The following WIF1 variants were observed in gnomAD, a reference collection of about 807,000 sequenced individuals.
The protein encoded by WIF1 is Wnt inhibitory factor 1.
WIF1 carries 35 observed loss-of-function variants against 53.5 expected under a neutral mutation model. That is an observed-to-expected ratio of 0.65 (90% CI 0.50 to 0.87). The LOEUF is 0.87. Ranked by LOEUF, WIF1 falls within the 40% of genes least tolerant of loss-of-function variation. The pLI is 0.00. For missense variants in WIF1, 467 were observed against 476.8 expected (o/e 0.98, Z 0.19); for synonymous variants, 171 against 170.4 (o/e 1.00, Z -0.03).
At chr12:65,092,508 G>GTATATATATATA (rs144164448) in intron 2 of WIF1, among the ~76,000 whole-genome samples, 2 of 146,700 alleles carry the variant, frequency 1.4e-5, no homozygotes, top group African/African-American at 5.0e-5. Context: ...ATATATGTGT[G>GTATATATATATA]TATATATATA....
At chr12:65,062,272 TC>T (rs1308859635) in intron 7 of WIF1, among the ~76,000 whole-genome samples, 21 of 152,120 alleles carry the variant, frequency 1.4e-4, no homozygotes, top group Admixed American at 1.3e-4. Flanking sequence ...TTCTTCTGAG[TC>T]CTCTGAGGTG....
chr12:65,085,220 C>A (rs768452834), intron 2 of WIF1, among the ~76,000 whole-genome samples: 78 of 152,082 alleles, frequency 5.1e-4, no homozygotes, highest in Non-Finnish European at 7.1e-4. Context: ...TGCTTGGGAC[C>A]AGAAGTGTTT....
intron 2 of WIF1, among the ~76,000 whole-genome samples, chr12:65,104,039 T>C (rs1273786834): frequency 6.6e-6 from 1 of 152,110 alleles, no homozygotes; most frequent in Non-Finnish European, 1.5e-5. Flanking sequence ...TAATCCAGCC[T>C]GGGCAACACA....
intron 3 of WIF1, among the ~76,000 whole-genome samples, chr12:65,074,079 A>G (rs2136619087): frequency 6.6e-6 from 1 of 152,340 alleles, no homozygotes; most frequent in East Asian, 1.9e-4. Flanking sequence ...ATGATGTTCT[A>G]TCTAAACATG....
chr12:65,120,957 A>T (rs989789606), intron 1 of WIF1, 87 bp downstream of exon 1: 1 of 1,351,524 alleles, frequency 7.4e-7, no homozygotes, highest in Non-Finnish European at 9.6e-7. Flanking sequence ...AAGTTTTAAA[A>T]CACAAGAAAC....
At chr12:65,115,999 T>G (rs1192856447) in intron 2 of WIF1, among the ~76,000 whole-genome samples, 1 of 152,182 alleles carries the variant, frequency 6.6e-6, no homozygotes, top group Non-Finnish European at 1.5e-5. Context: ...CATCATACAA[T>G]TTTAAACTCA....
rs970429667 is a variant in WIF1 at position 65,086,977 on chromosome 12, C to T, written c.289-9123G>A. On this transcript the variant is annotated intron_variant, in intron 2 of 9. Transcript: ENST00000286574. ...CCAACATAGTGAAACCCCATCTCTA[C>T]TAAAAATAATAATTAAAAAAAAAAT... Among the ~76,000 whole-genome samples the T allele has an allele frequency of 2.0e-5, 3 of 150,718 alleles. No homozygotes were observed. The South Asian group carries it at 6.4e-4, about 32-fold the overall frequency.
chr12:65,118,887 A>C (rs547645459), intron 2 of WIF1, among the ~76,000 whole-genome samples: 3 of 151,908 alleles, frequency 2.0e-5, no homozygotes, highest in Non-Finnish European at 4.4e-5. Context: ...GGAGAGAGAG[A>C]GAGTGCGCAC....
At chr12:65,091,449 C>T (rs1044310557) in intron 2 of WIF1, among the ~76,000 whole-genome samples, 2 of 150,882 alleles carry the variant, frequency 1.3e-5, no homozygotes, top group African/African-American at 2.4e-5. Flanking sequence ...AGTCTTATTC[C>T]CTATCTTTGA....
At chr12:65,070,927 CA>C (rs1882762431) in intron 3 of WIF1, among the ~76,000 whole-genome samples, 1 of 151,856 alleles carries the variant, frequency 6.6e-6, no homozygotes, top group Admixed American at 6.6e-5. Context: ...TTAGTTCTTC[CA>C]CATCTTCAGA....
intron 2 of WIF1, among the ~76,000 whole-genome samples, chr12:65,089,153 G>C (rs757052328): frequency 2.6e-5 from 4 of 151,726 alleles, no homozygotes; most frequent in Non-Finnish European, 5.9e-5. Context: ...TCTCCCTTTG[G>C]ACTTAACATT....
intron 7 of WIF1, among the ~76,000 whole-genome samples, chr12:65,059,105 G>T (rs1592387225): frequency 6.6e-6 from 1 of 151,248 alleles, no homozygotes; most frequent in Non-Finnish European, 1.5e-5. Context: ...AAACAGATTT[G>T]ACTAAGTTTC....
intron 2 of WIF1, chr12:65,083,849 T>C: frequency 2.5e-6 from 1 of 404,306 alleles, no homozygotes; most frequent in South Asian, 1.9e-5. Flanking sequence ...TTCTTTTCTT[T>C]TCTTTTCTTT....
chr12:65,053,257 T>G (rs1446527), intron 9 of WIF1, among the ~76,000 whole-genome samples: 78,690 of 152,030 alleles, frequency 0.52, 22,806 homozygotes, highest in Admixed American at 0.65. Context: ...TGAAGCCAAT[T>G]TAATCAACCA....
chr12:65,066,844 C>T (rs1882694831), intron 5 of WIF1, 108 bp from the exon 6 acceptor site: 1 of 623,522 alleles, frequency 1.6e-6, no homozygotes, highest in African/African-American at 1.9e-5. Flanking sequence ...TTGTGGTTGA[C>T]TCTAAAATGA....
chr12:65,111,251 C>G (rs1883426640), intron 2 of WIF1, among the ~76,000 whole-genome samples: 1 of 152,188 alleles, frequency 6.6e-6, no homozygotes, highest in Non-Finnish European at 1.5e-5. Context: ...TGCAGTTGAG[C>G]TACCCTCAAA....
intron 7 of WIF1, among the ~76,000 whole-genome samples, chr12:65,057,652 G>C (rs1882549969): frequency 6.6e-6 from 1 of 152,024 alleles, no homozygotes. Flanking sequence ...ATTCACTTTA[G>C]CAGAACACTC....
intron 2 of WIF1, among the ~76,000 whole-genome samples, chr12:65,079,092 G>T (rs1882907530): frequency 6.7e-6 from 1 of 149,740 alleles, no homozygotes; most frequent in African/African-American, 2.5e-5. Context: ...TTGAACCCAG[G>T]AGGTGGAGGC....
chr12:65,105,901 G>T (rs1342686128), intron 2 of WIF1, among the ~76,000 whole-genome samples: 1 of 152,180 alleles, frequency 6.6e-6, no homozygotes, highest in Non-Finnish European at 1.5e-5. Context: ...AATGCCAAAT[G>T]AGGAAAGGGG....
Sources: gnomAD v4.1 joint callset for allele counts (sites outside exome capture counted in the v4.1 genomes callset) on GRCh38, gnomAD v4.1.1 for gene constraint, MANE v1.5 for transcripts, NCBI Gene and HGNC (gene_info 2026-07-23, HGNC 2026-07-21) for gene names.